Variants in R3HDML observed in about 807,000 individuals in gnomAD.
R3HDML encodes peptidase inhibitor R3HDML.
Under a neutral mutation model 24.2 loss-of-function variants are expected in R3HDML, and 21 were observed. The ratio of observed to expected loss-of-function variants is 0.87; its 90% CI spans 0.62 to 1.25. R3HDML has a LOEUF of 1.25. Ranked by LOEUF, R3HDML falls within the 50% of genes most tolerant of loss-of-function variation. The pLI is 0.00. For synonymous variants in R3HDML, 133 were observed against 131.5 expected (o/e 1.01, Z -0.08); for missense variants, 301 against 340.3 (o/e 0.88, Z 0.91).
In R3HDML at chr20:44,337,396, C is replaced by G. The variant is rs1275497106; in HGVS notation, c.239C>G (p.Pro80Arg). 2 of 1,613,480 alleles carry G rather than the reference C, an allele frequency of 1.2e-6. No individual in the cohort carries two copies. The highest frequency in any genetic ancestry group is 2.7e-5 in the African/African-American group (2 of 74,934). The change falls in exon 1 of 5, where the codon CCT becomes CGT. Residue 80 changes from proline (P) to arginine (R), a missense_variant. By Grantham distance (103) the Pro-to-Arg change is moderately radical. Coordinates refer to ENST00000217043, the MANE Select transcript of R3HDML (RefSeq NM_178491.4). This position sits in a 1 kb window ranked among gnomAD's most constrained non-coding sequence, Gnocchi z 4.7. ...HNHIRASVYP[P>R]AANMEYMVWD... ...CACATCCGGGCCAGTGTGTACCCACCTGCCGCCAACATGGAATACATGGTG... is the reference window on the plus strand; with the variant it reads ...CACATCCGGGCCAGTGTGTACCCACGTGCCGCCAACATGGAATACATGGTG...
chr20:44,350,710 C>T lies in R3HDML; in HGVS notation c.680C>T (p.Ser227Phe). Residue 227 changes from serine (S) to phenylalanine (F), a missense_variant, in exon 5 of 5, where the codon TCC becomes TTC. Coordinates refer to ENST00000217043, the MANE Select transcript of R3HDML (RefSeq NM_178491.4). Reference sequence around the variant, plus strand: ...TACAAGATGGGAAAGCCGTGCTCCTCCTGTCCCCCCAGTTATCAAGGCAGC... The same window carrying T: ...TACAAGATGGGAAAGCCGTGCTCCTTCTGTCCCCCCAGTTATCAAGGCAGC... ...SPYKMGKPCS[S>F]CPPSYQGSCN... 1 of 1,614,050 alleles carries T rather than the reference C, an allele frequency of 6.2e-7. No individual in the cohort carries two copies. The highest frequency in any genetic ancestry group is 8.5e-7 in the Non-Finnish European group (1 of 1,180,018).
chr20:44,349,277 A>T (rs1169537670), intron 4 of R3HDML, among the ~76,000 whole-genome samples: 1 of 152,014 alleles, frequency 6.6e-6, no homozygotes, highest in Non-Finnish European at 1.5e-5. Flanking sequence ...GGGCATGGGA[A>T]ATCGACCGTT....
In R3HDML at chr20:44,350,870, T is replaced by C. The variant is rs2062809426; in HGVS notation, c.*78T>C. On this transcript the variant is annotated 3_prime_UTR_variant, in exon 5 of 5. Transcript: ENST00000217043. ...GCCCTCAAAAAACTGGGTGGAGAAA[T>C]AATTGTTTCTTTAAAGGATATGAGT... The C allele has an allele frequency of 1.7e-5, 26 of 1,527,242 alleles. No individual in the cohort carries two copies. The highest frequency in any genetic ancestry group is 2.2e-5 in the Non-Finnish European group (25 of 1,117,688). 94.6% of individuals were successfully genotyped at this position (1,527,242 alleles called of 1,614,324 possible). A position where few individuals can be genotyped will look rare whatever the true frequency, so the allele number is the denominator to read the frequency against.
chr20:44,350,543 G>C, intron 4 of R3HDML, 117 bp from the exon 5 acceptor site: 1 of 860,898 alleles, frequency 1.2e-6, no homozygotes. Context: ...AAGGCTTGCA[G>C]ATGTGACTTG....
In R3HDML at chr20:44,343,419, G is replaced by A. The variant is rs759178995; in HGVS notation, c.423G>A (p.Glu141=). 6.2e-7 allele frequency: 1 copy of A among 1,613,258 alleles called. No individual in the cohort carries two copies. The highest frequency in any genetic ancestry group is 8.5e-7 in the Non-Finnish European group (1 of 1,179,578). Residue 141 remains glutamate (E), a synonymous_variant, in exon 3 of 5, where the codon GAG becomes GAA. Coordinates refer to ENST00000217043, the MANE Select transcript of R3HDML (RefSeq NM_178491.4). ...ATCTCATGAAGTCCTGGTCTGAGGAGAAGTGGCATTACTTGTTTCCGGCCC... is the reference window on the plus strand; with the variant it reads ...ATCTCATGAAGTCCTGGTCTGAGGAAAAGTGGCATTACTTGTTTCCGGCCC... ...VVDLMKSWSE[E]KWHYLFPAPR... is the part of the protein sequence containing the mutation.
chr20:44,345,461 C>A, intron 4 of R3HDML, 83 bp downstream of exon 4: 1 of 934,936 alleles, frequency 1.1e-6, no homozygotes. Context: ...GCTCCATATC[C>A]CTTCTTCATT....
intron 4 of R3HDML, among the ~76,000 whole-genome samples, chr20:44,349,795 C>T (rs771058420): frequency 8.5e-5 from 13 of 152,198 alleles, no homozygotes; most frequent in Middle Eastern, 6.8e-3. Flanking sequence ...AAAGGCTGGG[C>T]GCGGTGGCTC....
In R3HDML at chr20:44,337,566, G is replaced by A. The variant is rs1210978119; in HGVS notation, c.261+148G>A. 1 of 819,566 alleles carries A rather than the reference G, an allele frequency of 1.2e-6. No homozygotes were observed. Among genetic ancestry groups the A allele is most frequent in the Non-Finnish European group, 1.9e-6 (1 of 526,646 alleles). The allele number at this position is 819,566 out of a possible 1,614,324, so 50.8% of individuals were successfully genotyped here. A position where few individuals can be genotyped will look rare whatever the true frequency, so the allele number is the denominator to read the frequency against. On this transcript the variant is annotated intron_variant, in intron 1 of 4. Transcript: ENST00000217043. The surrounding 1 kb of genome is among the most constrained non-coding windows in gnomAD (Gnocchi z 4.7). ...AGCCAGTATCTGGGTGTCGACCTGTGGAAAGGGCAGGAGTTAATCTGCCCA... is the reference window on the plus strand; with the variant it reads ...AGCCAGTATCTGGGTGTCGACCTGTAGAAAGGGCAGGAGTTAATCTGCCCA...
chr20:44,338,265 G>A (rs1043117259), intron 1 of R3HDML, among the ~76,000 whole-genome samples: 12 of 152,132 alleles, frequency 7.9e-5, no homozygotes, highest in African/African-American at 2.4e-4. Context: ...CTTTTTCATC[G>A]TATCCATTGA....
chr20:44,337,901 C>T lies in R3HDML; in HGVS notation c.261+483C>T, dbSNP rs2062762055. Reference sequence around the variant, plus strand: ...CTTTCTATGCTATTGTCTCTTTACCCTAAGGTCTTGACTGACACACCCACA... The same window carrying T: ...CTTTCTATGCTATTGTCTCTTTACCTTAAGGTCTTGACTGACACACCCACA... On this transcript the variant is annotated intron_variant, in intron 1 of 4. Transcript: ENST00000217043. The surrounding 1 kb of genome is among the most constrained non-coding windows in gnomAD (Gnocchi z 4.7). 6.6e-6 allele frequency among the ~76,000 whole-genome samples: 1 copy of T among 152,188 alleles called. No individual in the cohort carries two copies. The highest frequency in any genetic ancestry group is 2.4e-5 in the African/African-American group (1 of 41,444).
chr20:44,349,596 T>C (rs1048843917), intron 4 of R3HDML, among the ~76,000 whole-genome samples: 5 of 152,208 alleles, frequency 3.3e-5, no homozygotes, highest in African/African-American at 9.7e-5. Flanking sequence ...ATTTCACTCA[T>C]GGTCACTCAA....
At chr20:44,339,140 C>T (rs1384062870) in intron 1 of R3HDML, among the ~76,000 whole-genome samples, 2 of 151,466 alleles carry the variant, frequency 1.3e-5, no homozygotes, top group African/African-American at 4.8e-5. Flanking sequence ...TGCCCCATTT[C>T]TCCCTCCCTA....
chr20:44,338,446 A>C (rs968665588), intron 1 of R3HDML, among the ~76,000 whole-genome samples: 3 of 152,198 alleles, frequency 2.0e-5, no homozygotes, highest in Non-Finnish European at 4.4e-5. Flanking sequence ...GTGAGGAGGC[A>C]ATACAGTGTT....
At chr20:44,339,682 G>A (rs921613443) in intron 1 of R3HDML, among the ~76,000 whole-genome samples, 2 of 151,864 alleles carry the variant, frequency 1.3e-5, no homozygotes. Flanking sequence ...GACACAAGAA[G>A]CAGTGGTGAC....
intron 4 of R3HDML, among the ~76,000 whole-genome samples, chr20:44,345,894 G>C (rs538576030): frequency 1.3e-5 from 2 of 150,952 alleles, no homozygotes; most frequent in African/African-American, 2.4e-5. Flanking sequence ...ATCTCAGCTC[G>C]CTGCAGCCTC....
chr20:44,340,083 T>C (rs778533807), intron 1 of R3HDML, among the ~76,000 whole-genome samples: 1 of 151,910 alleles, frequency 6.6e-6, no homozygotes, highest in Non-Finnish European at 1.5e-5. Flanking sequence ...GCCTCCCGAA[T>C]AGCTGGGATT....
chr20:44,340,377 C>G (rs2062769105), intron 1 of R3HDML, among the ~76,000 whole-genome samples: 1 of 152,174 alleles, frequency 6.6e-6, no homozygotes, highest in Admixed American at 6.6e-5. Flanking sequence ...CAGGCGTGAA[C>G]CACTGTGCCC....
chr20:44,342,328 G>A (rs1025281609), intron 2 of R3HDML, among the ~76,000 whole-genome samples: 1 of 152,142 alleles, frequency 6.6e-6, no homozygotes, highest in Admixed American at 6.5e-5. Flanking sequence ...GGCCCTGTCT[G>A]TGTTTTTTCA....
At chr20:44,346,971 G>A (rs1197080915) in intron 4 of R3HDML, among the ~76,000 whole-genome samples, 5 of 152,106 alleles carry the variant, frequency 3.3e-5, no homozygotes, top group South Asian at 4.1e-4. Flanking sequence ...GCAAAACCTC[G>A]TGTCTACCAA....
Sources: gnomAD v4.1 joint callset for allele counts (sites outside exome capture counted in the v4.1 genomes callset) on GRCh38, gnomAD v4.1.1 for gene constraint, Gnocchi (gnomAD v3.1) non-coding constraint, MANE v1.5 for transcripts, NCBI Gene and HGNC (gene_info 2026-07-23, HGNC 2026-07-21) for gene names.